ZNF26: variants seen among roughly 807,000 people sequenced by gnomAD.
ZNF26 encodes zinc finger protein 26.
In ZNF26, 32 loss-of-function variants were observed where a neutral mutation model predicts 54.9. The ratio of observed to expected loss-of-function variants is 0.58; its 90% CI spans 0.44 to 0.78. The LOEUF is 0.78. ZNF26 is among the 30% of genes least tolerant of loss of function. The pLI is 0.00. For missense variants in ZNF26, 524 were observed against 634.0 expected, an observed-to-expected ratio of 0.83 and a Z score of 1.86; for synonymous variants, 221 against 209.2, an observed-to-expected ratio of 1.06 and a Z score of -0.49.
chr12:132,987,488 A>C (rs7300570), intron 1 of ZNF26, among the ~76,000 whole-genome samples: 72,968 of 151,986 alleles, frequency 0.48, 19,068 homozygotes, highest in East Asian at 0.77. Flanking sequence ...ACCAGAGGGG[A>C]GTCTTTACAA....
In ZNF26 at chr12:133,001,806, C is replaced by T. The variant is rs1953224775; in HGVS notation, c.34-5236C>T. ...CACTCCCCAGCTGCCTTTTGAGAGT[C>T]CCGCGGCAGTCTTTGCCTTCAGAAT... is the stretch of plus-strand genomic sequence containing the variant. On this transcript the variant is annotated intron_variant, in intron 1 of 3. Transcript: ENST00000328654. The surrounding 1 kb of genome is among the most constrained non-coding windows in gnomAD (Gnocchi z 4.7). The T allele has an allele frequency of 2.5e-6, 2 of 796,252 alleles. No individual in the cohort carries two copies. Among genetic ancestry groups the T allele is most frequent in the African/African-American group, 1.8e-5 (1 of 55,680 alleles). The allele number at this position is 796,252 out of a possible 1,614,324, so 49.3% of individuals were successfully genotyped here. A position where few individuals can be genotyped will look rare whatever the true frequency, so the allele number is the denominator to read the frequency against.
At chr12:132,993,027 C>CTTTTTTTTTTTTTTTT (rs71079156) in intron 1 of ZNF26, among the ~76,000 whole-genome samples, 4 of 129,444 alleles carry the variant, frequency 3.1e-5, no homozygotes, top group East Asian at 2.3e-4. Flanking sequence ...ACTAGTATTT[C>CTTTTTTTTTTTTTTTT]TTTTTTTTTT....
rs1333175154 is a variant in ZNF26, at chr12:132,986,848, C to T, written c.8C>T (p.Thr3Ile). The T allele has an allele frequency of 6.2e-6, 10 of 1,607,122 alleles. No individual in the cohort carries two copies. Among genetic ancestry groups the T allele is most frequent in the Non-Finnish European group, 8.5e-6 (10 of 1,176,976 alleles). MATSFRTASCWGL... is the reference protein window; with the variant it reads MAISFRTASCWGL... ...GCGAACGTGGGCGTGGGGATGGCCA[C>T]CAGTTTCCGGACAGCTTCGTGCTGG... Residue 3 changes from threonine to isoleucine, a missense_variant, in exon 1 of 4, where the codon ACC becomes ATC. By Grantham distance (89) the Thr-to-Ile change is moderately conservative (BLOSUM62 -1). Transcript: ENST00000328654.
intron 2 of ZNF26, 92 bp downstream of exon 2, chr12:133,007,260 C>T: frequency 1.3e-6 from 2 of 1,487,546 alleles, no homozygotes; most frequent in Non-Finnish European, 9.2e-7. Context: ...CTCTGAAGTG[C>T]TTAATGATTA....
At position 133,019,692 on chromosome 12, in the gene ZNF26, T is replaced by A. The variant is rs1328869012; in HGVS notation, c.*8211T>A. The A allele has an allele frequency of 3.3e-5, 5 of 152,266 alleles. No individual in the cohort carries two copies. Among genetic ancestry groups the A allele is most frequent in the Admixed American group, 2.6e-4 (4 of 15,276 alleles). The allele number at this position is 152,266 out of a possible 1,614,324, so 9.4% of individuals were successfully genotyped here. On this transcript the variant is annotated 3_prime_UTR_variant, in exon 4 of 4. Transcript: ENST00000328654. Reference sequence around the variant, plus strand: ...AAAGCAACTGAAAATAGAACTATTATACGATCCAGCAACCCCACTACTGGG... The same window carrying A: ...AAAGCAACTGAAAATAGAACTATTAAACGATCCAGCAACCCCACTACTGGG...
At chr12:132,991,044 A>G (rs980494666) in intron 1 of ZNF26, among the ~76,000 whole-genome samples, 6 of 151,034 alleles carry the variant, frequency 4.0e-5, no homozygotes, top group African/African-American at 9.7e-5. Context: ...TTTTTAGTAG[A>G]GACAGGGTTT....
At position 133,024,012 on chromosome 12, in the gene ZNF26, T is replaced by C. The variant is rs1348257200; in HGVS notation, c.*12531T>C. On this transcript the variant is annotated 3_prime_UTR_variant, in exon 4 of 4. Transcript: ENST00000328654. ...ATGAGAAATTCTGACCCAGAACGGC[T>C]CAGTCAGACCTCTCCTGAATCCCTG... is the stretch of plus-strand genomic sequence containing the variant. The C allele has an allele frequency of 6.6e-6, 1 of 152,228 alleles. No homozygotes were observed. The highest frequency in any genetic ancestry group is 1.9e-4 in the East Asian group (1 of 5,196). 9.4% of individuals were successfully genotyped at this position (152,228 alleles called of 1,614,324 possible).
intron 1 of ZNF26, among the ~76,000 whole-genome samples, chr12:132,998,653 C>G (rs1187239748): frequency 6.6e-6 from 1 of 152,136 alleles, no homozygotes; most frequent in Non-Finnish European, 1.5e-5. Flanking sequence ...TGCCACAGAT[C>G]AGGAATCTTT....
rs1182747916 is a variant in ZNF26, at chr12:133,021,891, C to T, written c.*10410C>T. On this transcript the variant is annotated 3_prime_UTR_variant, in exon 4 of 4. Transcript: ENST00000328654. ...TGTAAATTCTATATTACTTTTTAAA[C>T]TTTCATGTTTTGTGGAGTCATTTCT... 1 of 152,134 alleles carries T rather than the reference C, an allele frequency of 6.6e-6. No individual in the cohort carries two copies. Among genetic ancestry groups the T allele is most frequent in the Non-Finnish European group, 1.5e-5 (1 of 68,012 alleles). 9.4% of individuals were successfully genotyped at this position (152,134 alleles called of 1,614,324 possible).
intron 1 of ZNF26, chr12:133,006,343 C>A: frequency 1.0e-6 from 1 of 968,238 alleles, no homozygotes; most frequent in Non-Finnish European, 1.2e-6. Context: ...GCCCTTTCTA[C>A]CCCAACTTCT....
chr12:132,992,062 C>A (rs1029508316), intron 1 of ZNF26, among the ~76,000 whole-genome samples: 1 of 151,662 alleles, frequency 6.6e-6, no homozygotes. Context: ...GTATGAGAAT[C>A]GCTTGAACCC....
intron 1 of ZNF26, among the ~76,000 whole-genome samples, chr12:132,994,502 C>T (rs1031055713): frequency 6.6e-6 from 1 of 152,204 alleles, no homozygotes; most frequent in Non-Finnish European, 1.5e-5. Flanking sequence ...CCCACCCATC[C>T]CAATCCCCTC....
rs1953681047 is a variant in ZNF26, at chr12:133,024,784, A to C, written c.*13303A>C. ...AAGAATTTTAAGGGTGAGGTCCCAC[A>C]AAAGGCCCACTGAGAGCCCATAGTA... On this transcript the variant is annotated 3_prime_UTR_variant, in exon 4 of 4. Transcript: ENST00000328654. 1 of 152,214 alleles carries C rather than the reference A, an allele frequency of 6.6e-6. No homozygotes were observed. The highest frequency in any genetic ancestry group is 2.4e-5 in the African/African-American group (1 of 41,450). 9.4% of individuals were successfully genotyped at this position (152,214 alleles called of 1,614,324 possible).
chr12:133,008,775 CAAAA>C (rs57200465), intron 3 of ZNF26, among the ~76,000 whole-genome samples: 3 of 61,466 alleles, frequency 4.9e-5, no homozygotes, highest in African/African-American at 5.8e-5. Context: ...GACTCCATCT[CAAAA>C]AAAAAAAAAA....
intron 1 of ZNF26, among the ~76,000 whole-genome samples, chr12:132,991,639 A>C (rs367571255): frequency 0.039 from 3,208 of 83,162 alleles, 93 homozygotes; most frequent in African/African-American, 0.11. Flanking sequence ...ACAAAAAAAA[A>C]AAAAACCTAA....
At chr12:133,003,313 G>A (rs1953259102) in intron 1 of ZNF26, among the ~76,000 whole-genome samples, 1 of 148,806 alleles carries the variant, frequency 6.7e-6, no homozygotes, top group Admixed American at 6.7e-5. Flanking sequence ...GGAGTGCAGT[G>A]GCGCAATCTC....
chr12:133,006,082 A>T (rs1333727480), intron 1 of ZNF26: 42 of 985,048 alleles, frequency 4.3e-5, no homozygotes, highest in Non-Finnish European at 4.8e-5. Flanking sequence ...AGTTGGGCAT[A>T]TACAGAAACT....
rs1003700956 is a variant in ZNF26, at chr12:133,001,567, C to T, written c.34-5475C>T. 44 of 914,178 alleles carry T rather than the reference C, an allele frequency of 4.8e-5. No homozygotes were observed. Among genetic ancestry groups the T allele is most frequent in the Non-Finnish European group, 6.4e-5 (42 of 652,474 alleles). 56.6% of individuals were successfully genotyped at this position (914,178 alleles called of 1,614,324 possible). A position where few individuals can be genotyped will look rare whatever the true frequency, so the allele number is the denominator to read the frequency against. ...CCATGGTGTATGTGATTCTTTCTCT[C>T]ACTGCATGCAGACTCACCCAGAAGT... On this transcript the variant is annotated intron_variant, in intron 1 of 3. Transcript: ENST00000328654. This position sits in a 1 kb window ranked among gnomAD's most constrained non-coding sequence, Gnocchi z 4.7.
chr12:133,005,931 G>GTGTC (rs1953314826), intron 1 of ZNF26: 1 of 199,970 alleles, frequency 5.0e-6, no homozygotes, highest in African/African-American at 2.4e-5. Flanking sequence ...AGTCTTTTCG[G>GTGTC]TGTCTGAAAT....
Sources: allele counts gnomAD v4.1 joint callset (sites outside exome capture counted in the v4.1 genomes callset), GRCh38; gene constraint gnomAD v4.1.1; non-coding constraint Gnocchi (gnomAD v3.1); transcripts MANE v1.5; gene names NCBI Gene and HGNC (gene_info 2026-07-23, HGNC 2026-07-21).